PDE4D: variants seen among roughly 807,000 people sequenced by gnomAD.
PDE4D encodes the protein 3',5'-cyclic-AMP phosphodiesterase 4D.
A neutral mutation model predicts 87.4 loss-of-function variants in PDE4D; 24 were observed. The observed-to-expected ratio is 0.27, with a 90% CI of 0.20 to 0.39. The LOEUF (loss-of-function observed/expected upper bound fraction) is 0.39. Among genes scored for constraint, PDE4D ranks in the 10% least tolerant of loss-of-function variants. The pLI, the probability that PDE4D is intolerant of heterozygous loss-of-function variation, is 1.00. For missense variants in PDE4D, 714 were observed against 1,041.0 expected (o/e 0.69, Z 4.32); for synonymous variants, 384 against 383.2 (o/e 1.00, Z -0.02).
At chr5:60,374,495 C>T (rs571194786) in intron 1 of PDE4D, among the ~76,000 whole-genome samples, 2 of 152,276 alleles carry the variant, frequency 1.3e-5, no homozygotes, top group African/African-American at 4.8e-5. Context: ...AAGAATAATT[C>T]GGTCTGAGAG....
At chr5:59,911,497 T>C (rs1050119095) in intron 3 of PDE4D, among the ~76,000 whole-genome samples, 2 of 152,166 alleles carry the variant, frequency 1.3e-5, no homozygotes, top group African/African-American at 4.8e-5. Context: ...CCCCAGTCTC[T>C]GAATTTTCAG....
intron 1 of PDE4D, among the ~76,000 whole-genome samples, chr5:60,283,405 T>A (rs1752125690): frequency 6.6e-6 from 1 of 152,224 alleles, no homozygotes; most frequent in Non-Finnish European, 1.5e-5. Context: ...AATTATGTTC[T>A]TAGTTTCATG....
chr5:60,508,917 T>G lies in PDE4D; in HGVS notation n.70+13134A>C, dbSNP rs545835213. On this transcript the variant is annotated intron_variant and non_coding_transcript_variant, in intron 1 of 2. Coordinates refer to the PDE4D transcript ENST00000506510. ...TATTTATTTATTTATTTATTTATTT[T>G]GAGACACAGTCTTGCTCTGTCATCC... Among the ~76,000 whole-genome samples, 33 of 147,052 alleles carry G rather than the reference T, an allele frequency of 2.2e-4. 1 individual carries two copies. In the South Asian group the frequency reaches 6.5e-3, roughly 29 times the overall value.
chr5:59,624,756 T>C (rs1316047915), intron 1 of PDE4D, among the ~76,000 whole-genome samples: 3 of 152,266 alleles, frequency 2.0e-5, no homozygotes, highest in Admixed American at 1.3e-4. Flanking sequence ...TTAGCATTCC[T>C]TTAAGCCTTT....
chr5:59,228,739 G>T (rs1581490879), intron 1 of PDE4D, among the ~76,000 whole-genome samples: 1 of 152,054 alleles, frequency 6.6e-6, no homozygotes, highest in East Asian at 1.9e-4. Flanking sequence ...TCTCCCAATG[G>T]TTTAAGGCCC....
intron 1 of PDE4D, chr5:59,586,244 G>T: frequency 9.5e-7 from 1 of 1,055,190 alleles, no homozygotes; most frequent in Non-Finnish European, 1.5e-6. Context: ...CAATACTCTA[G>T]TTCAAGACAA....
chr5:59,118,382 A>G (rs1421623913), intron 5 of PDE4D, among the ~76,000 whole-genome samples: 1 of 152,164 alleles, frequency 6.6e-6, no homozygotes, highest in Non-Finnish European at 1.5e-5. Flanking sequence ...AAGCTGCTTA[A>G]GTGTTATTTT....
At chr5:59,813,295 C>G (rs1032055607) in intron 1 of PDE4D, among the ~76,000 whole-genome samples, 2 of 152,154 alleles carry the variant, frequency 1.3e-5, no homozygotes, top group Non-Finnish European at 2.9e-5. Context: ...CTTTATTACA[C>G]GTCTTTGAGG....
At chr5:59,927,499 A>G (rs2152784439) in intron 3 of PDE4D, among the ~76,000 whole-genome samples, 1 of 152,346 alleles carries the variant, frequency 6.6e-6, no homozygotes, top group African/African-American at 2.4e-5. Context: ...AAATTCTCAT[A>G]CTTTAAGAAG....
chr5:59,370,477 A>T (rs951363412), intron 1 of PDE4D, among the ~76,000 whole-genome samples: 1 of 152,184 alleles, frequency 6.6e-6, no homozygotes, highest in African/African-American at 2.4e-5. Flanking sequence ...CTTTGGAAAA[A>T]TGCATAATTC....
At chr5:59,946,607 T>C (rs887733149) in intron 3 of PDE4D, among the ~76,000 whole-genome samples, 1 of 152,234 alleles carries the variant, frequency 6.6e-6, no homozygotes, top group Non-Finnish European at 1.5e-5. Context: ...TATTCAACTA[T>C]AGAAGCCATT....
chr5:58,984,359 A>C (rs1436244219), intron 11 of PDE4D, among the ~76,000 whole-genome samples: 1 of 152,230 alleles, frequency 6.6e-6, no homozygotes, highest in Non-Finnish European at 1.5e-5. Flanking sequence ...GCCAGCTCTT[A>C]AGAGCCAGGG....
At chr5:59,385,305 T>C (rs1786754594) in intron 1 of PDE4D, among the ~76,000 whole-genome samples, 1 of 152,202 alleles carries the variant, frequency 6.6e-6, no homozygotes, top group African/African-American at 2.4e-5. Context: ...GCAAATGAAG[T>C]GAATAGTATT....
chr5:59,842,084 T>G (rs1282576672), intron 1 of PDE4D, among the ~76,000 whole-genome samples: 1 of 152,052 alleles, frequency 6.6e-6, no homozygotes, highest in African/African-American at 2.4e-5. Context: ...CAGATTGGCA[T>G]TTCAGAGTGA....
At chr5:59,506,132 C>A (rs1271355907) in intron 1 of PDE4D, among the ~76,000 whole-genome samples, 1 of 151,916 alleles carries the variant, frequency 6.6e-6, no homozygotes, top group Admixed American at 6.6e-5. Context: ...AGTAGTTTGT[C>A]TAGTTGTTAA....
intron 1 of PDE4D, among the ~76,000 whole-genome samples, chr5:59,569,480 T>C (rs977145290): frequency 4.6e-5 from 7 of 151,922 alleles, no homozygotes; most frequent in Non-Finnish European, 7.4e-5. Context: ...AAGAGAAAAA[T>C]TTCAGCAAAT....
At chr5:59,881,050 G>A (rs1478613819) in intron 1 of PDE4D, among the ~76,000 whole-genome samples, 1 of 152,042 alleles carries the variant, frequency 6.6e-6, no homozygotes, top group Non-Finnish European at 1.5e-5. Context: ...ATTTTGCCAG[G>A]ATGATGATAC....
intron 8 of PDE4D, 54 bp from the exon 9 acceptor site, chr5:58,990,956 T>A: frequency 1.0e-6 from 1 of 977,674 alleles, no homozygotes; most frequent in Non-Finnish European, 1.5e-6. Flanking sequence ...GAGTAAAATA[T>A]GACTCAATGA....
intron 1 of PDE4D, among the ~76,000 whole-genome samples, chr5:59,293,758 T>G (rs1180176464): frequency 6.6e-6 from 1 of 152,090 alleles, no homozygotes. Context: ...AGGGTGCGTG[T>G]GCAGGTAGGT....
Sources: gnomAD v4.1 joint callset for allele counts (sites outside exome capture counted in the v4.1 genomes callset) on GRCh38, gnomAD v4.1.1 for gene constraint, MANE v1.5 for transcripts, NCBI Gene and HGNC (gene_info 2026-07-23, HGNC 2026-07-21) for gene names.